SBF2: variants seen among roughly 807,000 people sequenced by gnomAD.
SBF2 encodes myotubularin-related protein 13.
In SBF2, 112 loss-of-function variants were observed where a neutral mutation model predicts 225.2. The ratio of observed to expected loss-of-function variants is 0.50; its 90% CI spans 0.43 to 0.58. SBF2 has a LOEUF of 0.58. Among genes scored for constraint, SBF2 ranks in the 20% least tolerant of loss-of-function variants. The pLI, the probability that SBF2 is intolerant of heterozygous loss-of-function variation, is 0.00. For synonymous variants in SBF2, 763 were observed against 773.3 expected, an observed-to-expected ratio of 0.99 and a Z score of 0.22; for missense variants, 1,996 against 2,206.2, an observed-to-expected ratio of 0.90 and a Z score of 1.91.
intron 16 of SBF2, among the ~76,000 whole-genome samples, chr11:9,936,317 G>A (rs371762179): frequency 1.8e-4 from 27 of 152,310 alleles, no homozygotes; most frequent in East Asian, 1.2e-3. Context: ...ATGCTGGAGC[G>A]GATGTGGAGA....
chr11:9,851,498 A>G (rs968407201), intron 21 of SBF2, among the ~76,000 whole-genome samples: 2 of 152,202 alleles, frequency 1.3e-5, no homozygotes, highest in African/African-American at 4.8e-5. Context: ...ACATTTACAC[A>G]ACTCAGGAAA....
intron 2 of SBF2, among the ~76,000 whole-genome samples, chr11:10,062,652 C>T (rs1950491072): frequency 6.6e-6 from 1 of 152,148 alleles, no homozygotes; most frequent in African/African-American, 2.4e-5. Flanking sequence ...CCATTTCACA[C>T]CAGTCAGAAC....
intron 2 of SBF2, among the ~76,000 whole-genome samples, chr11:10,192,015 C>T (rs1008885172): frequency 6.6e-6 from 1 of 152,156 alleles, no homozygotes; most frequent in African/African-American, 2.4e-5. Flanking sequence ...TATCTCTCCA[C>T]ACTTTGATGT....
At chr11:10,237,998 T>C (rs1959145247) in intron 1 of SBF2, among the ~76,000 whole-genome samples, 1 of 152,218 alleles carries the variant, frequency 6.6e-6, no homozygotes, top group Admixed American at 6.5e-5. Flanking sequence ...ACTACGAACA[T>C]CCTTATATAA....
intron 6 of SBF2, among the ~76,000 whole-genome samples, chr11:10,005,669 T>C (rs1160188877): frequency 1.3e-5 from 2 of 152,198 alleles, no homozygotes; most frequent in Non-Finnish European, 2.9e-5. Flanking sequence ...GTCGGTAACA[T>C]ACTTTGGTGC....
chr11:10,154,195 T>C (rs769291638), intron 2 of SBF2, among the ~76,000 whole-genome samples: 10 of 152,126 alleles, frequency 6.6e-5, no homozygotes, highest in Non-Finnish European at 1.2e-4. Context: ...CAATAGATTA[T>C]TGCTATCCTA....
intron 2 of SBF2, among the ~76,000 whole-genome samples, chr11:10,133,568 C>A (rs1273295584): frequency 7.3e-6 from 1 of 136,306 alleles, no homozygotes; most frequent in South Asian, 2.4e-4. Context: ...CCCCATTGCC[C>A]AGGGCCAGCA....
In SBF2 at chr11:10,303,404, T is replaced by A. The variant is rs1287873693; in HGVS notation, n.386+1088A>T. The A allele has an allele frequency of 6.6e-6, 1 of 152,284 alleles. No individual in the cohort carries two copies. The highest frequency in any genetic ancestry group is 1.5e-5 in the Non-Finnish European group (1 of 68,134). The allele number at this position is 152,284 out of a possible 1,614,324, so 9.4% of individuals were successfully genotyped here. A position where few individuals can be genotyped will look rare whatever the true frequency, so the allele number is the denominator to read the frequency against. On this transcript the variant is annotated intron_variant and non_coding_transcript_variant, in intron 1 of 5. Transcript: ENST00000685217. The surrounding 1 kb of genome is among the most constrained non-coding windows in gnomAD (Gnocchi z 5.2). ...TCCTTAAATAACTTCCGCGCGGCCA[T>A]TTCTTCCCCAGGTGCAATGTCCACT... is the stretch of plus-strand genomic sequence containing the variant.
intron 1 of SBF2, among the ~76,000 whole-genome samples, chr11:10,213,256 A>G (rs2135387584): frequency 6.6e-6 from 1 of 152,274 alleles, no homozygotes; most frequent in Admixed American, 6.5e-5. Flanking sequence ...ATGTTTTTAG[A>G]GAGTAAGGAA....
At chr11:10,116,542 C>T (rs1190441796) in intron 2 of SBF2, among the ~76,000 whole-genome samples, 1 of 152,002 alleles carries the variant, frequency 6.6e-6, no homozygotes, top group Non-Finnish European at 1.5e-5. Context: ...ATATTATTTC[C>T]CTGTTCAAGA....
intron 16 of SBF2, among the ~76,000 whole-genome samples, chr11:9,942,150 C>A (rs1179415662): frequency 6.6e-6 from 1 of 152,176 alleles, no homozygotes; most frequent in Non-Finnish European, 1.5e-5. Context: ...CGGCTCACTG[C>A]ACCCTCGAGT....
intron 2 of SBF2, among the ~76,000 whole-genome samples, chr11:10,052,452 C>G (rs759200777): frequency 6.6e-6 from 1 of 152,172 alleles, no homozygotes; most frequent in African/African-American, 2.4e-5. Flanking sequence ...GAATCCTTTT[C>G]AGGATGTTCT....
intron 2 of SBF2, among the ~76,000 whole-genome samples, chr11:10,086,535 A>G (rs150502052): frequency 6.6e-6 from 1 of 152,320 alleles, no homozygotes; most frequent in Non-Finnish European, 1.5e-5. Context: ...TCCTGTCCCC[A>G]AGTTTTCTAA....
At chr11:10,138,400 C>G (rs913161703) in intron 2 of SBF2, among the ~76,000 whole-genome samples, 1 of 152,094 alleles carries the variant, frequency 6.6e-6, no homozygotes, top group Non-Finnish European at 1.5e-5. Flanking sequence ...ATTGTATCAT[C>G]CCCTCAAAGA....
chr11:9,953,628 A>C (rs1327834694), intron 16 of SBF2, among the ~76,000 whole-genome samples: 1 of 152,210 alleles, frequency 6.6e-6, no homozygotes. Context: ...TTTCAGGTTC[A>C]ACCAGATGGC....
chr11:10,082,738 T>C (rs1385514537), intron 2 of SBF2, among the ~76,000 whole-genome samples: 1 of 152,002 alleles, frequency 6.6e-6, no homozygotes, highest in African/African-American at 2.4e-5. Flanking sequence ...CATATCTCAA[T>C]GTAATAAAAG....
intron 6 of SBF2, among the ~76,000 whole-genome samples, chr11:10,015,956 T>C (rs958210850): frequency 7.2e-5 from 11 of 152,058 alleles, no homozygotes; most frequent in Non-Finnish European, 8.8e-5. Context: ...TTTGTATTTT[T>C]AGTAGAGATG....
intron 17 of SBF2, among the ~76,000 whole-genome samples, chr11:9,862,207 T>C (rs1159936425): frequency 1.3e-5 from 2 of 152,240 alleles, no homozygotes; most frequent in Non-Finnish European, 2.9e-5. Context: ...GTTTGCCTTC[T>C]TTCTTTGTGG....
intron 2 of SBF2, among the ~76,000 whole-genome samples, chr11:10,140,597 TAAGTA>T (rs1308953923): frequency 6.6e-6 from 1 of 152,198 alleles, no homozygotes; most frequent in African/African-American, 2.4e-5. Flanking sequence ...CTGACACTCA[TAAGTA>T]AAGTGTTACC....
Sources: gnomAD v4.1 joint callset for allele counts (sites outside exome capture counted in the v4.1 genomes callset) on GRCh38, gnomAD v4.1.1 for gene constraint, Gnocchi (gnomAD v3.1) non-coding constraint, MANE v1.5 for transcripts, NCBI Gene and HGNC (gene_info 2026-07-23, HGNC 2026-07-21) for gene names.